The following DDX46 variants were observed in gnomAD, a reference collection of about 807,000 sequenced individuals.
DDX46 encodes the protein probable ATP-dependent RNA helicase DDX46.
DDX46 carries 30 observed loss-of-function variants against 134.9 expected under a neutral mutation model. That is an observed-to-expected ratio of 0.22 (90% CI 0.17 to 0.30). DDX46 has a LOEUF of 0.30. DDX46 is among the 10% of genes least tolerant of loss of function. The pLI is 1.00. For synonymous variants in DDX46, 415 were observed against 404.1 expected (o/e 1.03, Z -0.32); for missense variants, 622 against 1,248.7 (o/e 0.50, Z 7.56).
At chr5:134,822,954 A>G (rs1409154426) in intron 21 of DDX46, among the ~76,000 whole-genome samples, 1 of 152,188 alleles carries the variant, frequency 6.6e-6, no homozygotes, top group Non-Finnish European at 1.5e-5. Flanking sequence ...TAAATCATAC[A>G]GGAAATAAAG....
At chr5:134,760,372 A>AT (rs1753340264) in intron 1 of DDX46, among the ~76,000 whole-genome samples, 1 of 152,136 alleles carries the variant, frequency 6.6e-6, no homozygotes, top group South Asian at 2.1e-4. Context: ...AAAAAGCCCA[A>AT]TTTTTCTGCA....
At position 134,758,929 on chromosome 5, in the gene DDX46, G is replaced by A. The variant is rs61750937; in HGVS notation, c.-10G>A. The A allele has an allele frequency of 1.2e-6, 2 of 1,613,204 alleles. No individual in the cohort carries two copies. Among genetic ancestry groups the A allele is most frequent in the African/African-American group, 1.3e-5 (1 of 74,900 alleles). The stretch of plus-strand genomic sequence containing the variant: ...TACTCAAGGGCACCAGTATTCCCGC[G>A]GTCGGCAGCATGGGTCGGGAGTCAC... On this transcript the variant is annotated 5_prime_UTR_variant, in exon 1 of 23. Transcript: ENST00000452510.
intron 15 of DDX46, among the ~76,000 whole-genome samples, chr5:134,806,058 C>T (rs570444644): frequency 2.6e-5 from 4 of 151,868 alleles, no homozygotes; most frequent in Non-Finnish European, 4.4e-5. Context: ...ACTAAAGATA[C>T]AAAAATTAGC....
intron 5 of DDX46, among the ~76,000 whole-genome samples, chr5:134,776,068 A>G (rs1240892217): frequency 1.3e-5 from 2 of 152,160 alleles, no homozygotes; most frequent in Non-Finnish European, 2.9e-5. Context: ...TATTATTTTA[A>G]TATGGTAAGC....
chr5:134,772,773 T>C (rs1753813634), intron 4 of DDX46, among the ~76,000 whole-genome samples: 1 of 152,196 alleles, frequency 6.6e-6, no homozygotes, highest in Non-Finnish European at 1.5e-5. Flanking sequence ...CCCAAAGCAC[T>C]GGAATTACAA....
At chr5:134,812,812 A>AT (rs1755184475) in intron 18 of DDX46, among the ~76,000 whole-genome samples, 1 of 151,770 alleles carries the variant, frequency 6.6e-6, no homozygotes, top group Non-Finnish European at 1.5e-5. Context: ...TGATTTTTGT[A>AT]TTTTTAGTAG....
At chr5:134,791,560 C>CAA (rs746157030) in intron 13 of DDX46, among the ~76,000 whole-genome samples, 227 of 103,826 alleles carry the variant, frequency 2.2e-3, no homozygotes, top group African/African-American at 7.1e-3. Flanking sequence ...GACTCCGTCT[C>CAA]AAAAAAAAAA....
chr5:134,781,888 C>A (rs377006453), intron 7 of DDX46, 33 bp from the exon 8 acceptor site: 6 of 1,580,892 alleles, frequency 3.8e-6, no homozygotes, highest in African/African-American at 2.7e-5. Context: ...TAGTAATGAA[C>A]TTAGCGCTTT....
At chr5:134,795,321 A>G (rs965748998) in intron 14 of DDX46, among the ~76,000 whole-genome samples, 4 of 149,060 alleles carry the variant, frequency 2.7e-5, no homozygotes, top group African/African-American at 5.0e-5. Flanking sequence ...TGTCCATGCT[A>G]AGTTCAGCAT....
intron 1 of DDX46, among the ~76,000 whole-genome samples, chr5:134,760,560 G>A (rs891508517): frequency 2.2e-4 from 34 of 152,190 alleles, no homozygotes; most frequent in African/African-American, 7.7e-4. Flanking sequence ...CTCCTTAGCA[G>A]CAATGAGTAA....
intron 3 of DDX46, among the ~76,000 whole-genome samples, chr5:134,767,677 G>A (rs1008349708): frequency 6.6e-6 from 1 of 151,606 alleles, no homozygotes; most frequent in Non-Finnish European, 1.5e-5. Flanking sequence ...TAGGCCAGGC[G>A]CGGTGGCTGA....
intron 18 of DDX46, among the ~76,000 whole-genome samples, chr5:134,814,812 C>G (rs1011707094): frequency 6.6e-6 from 1 of 152,152 alleles, no homozygotes; most frequent in Non-Finnish European, 1.5e-5. Context: ...GACAAGGTTT[C>G]GCCATGTTGC....
chr5:134,785,842 AT>A (rs1327047027), intron 11 of DDX46, among the ~76,000 whole-genome samples: 1 of 151,206 alleles, frequency 6.6e-6, no homozygotes, highest in Non-Finnish European at 1.5e-5. Flanking sequence ...TAGATCTCAC[AT>A]CATGTTTTTT....
chr5:134,773,993 T>C, intron 5 of DDX46, 132 bp downstream of exon 5: 1 of 988,796 alleles, frequency 1.0e-6, no homozygotes, highest in Non-Finnish European at 1.4e-6. Flanking sequence ...ATTTTCATCA[T>C]TTTCAGGTTT....
chr5:134,794,744 A>G (rs1290033383), intron 13 of DDX46, 106 bp from the exon 14 acceptor site: 1 of 1,434,796 alleles, frequency 7.0e-7, no homozygotes, highest in African/African-American at 1.4e-5. Context: ...GGAGTGGCAA[A>G]ACTGAGACAG....
chr5:134,765,056 C>CATT (rs1753521023), intron 2 of DDX46, among the ~76,000 whole-genome samples: 1 of 141,280 alleles, frequency 7.1e-6, no homozygotes, highest in African/African-American at 2.6e-5. Flanking sequence ...GCGCCTTAAT[C>CATT]TTTTTTTTTT....
intron 9 of DDX46, among the ~76,000 whole-genome samples, chr5:134,783,657 C>T (rs1430308216): frequency 7.0e-6 from 1 of 142,010 alleles, no homozygotes; most frequent in Non-Finnish European, 1.5e-5. Context: ...TCAAGTGATA[C>T]TTTTGCCTCA....
intron 12 of DDX46, chr5:134,790,077 G>A (rs776492611): frequency 2.2e-6 from 1 of 459,162 alleles, no homozygotes. Context: ...CCACACATAC[G>A]CTGTAATCTC....
At chr5:134,779,054 G>A (rs1434812069) in intron 6 of DDX46, among the ~76,000 whole-genome samples, 6 of 151,442 alleles carry the variant, frequency 4.0e-5, no homozygotes, top group East Asian at 3.9e-4. Flanking sequence ...TTGCCACCAC[G>A]CCCAGCTAAT....
Sources: gnomAD v4.1 joint callset for allele counts (sites outside exome capture counted in the v4.1 genomes callset) on GRCh38, gnomAD v4.1.1 for gene constraint, MANE v1.5 for transcripts, NCBI Gene and HGNC (gene_info 2026-07-23, HGNC 2026-07-21) for gene names.